The following PLCL2 variants were observed in gnomAD, a reference collection of about 807,000 sequenced individuals.
PLCL2 encodes the protein phospholipase C like 2.
Under a neutral mutation model 79.6 loss-of-function variants are expected in PLCL2, and 4 were observed. The observed-to-expected ratio is 0.05, with a 90% CI of 0.02 to 0.11. The LOEUF (loss-of-function observed/expected upper bound fraction) is 0.11. PLCL2 is among the 10% of genes least tolerant of loss of function. The pLI is 1.00. For synonymous variants in PLCL2, 484 were observed against 457.7 expected (o/e 1.06, Z -0.73); for missense variants, 895 against 1,291.0 (o/e 0.69, Z 4.70).
intron 1 of PLCL2, among the ~76,000 whole-genome samples, chr3:16,892,223 A>G (rs1022855963): frequency 6.6e-6 from 1 of 152,262 alleles, no homozygotes; most frequent in African/African-American, 2.4e-5. Flanking sequence ...ATTCATGTAC[A>G]TAATTTTGAA....
intron 1 of PLCL2, among the ~76,000 whole-genome samples, chr3:16,953,182 T>C (rs2063669197): frequency 1.3e-5 from 2 of 152,110 alleles, no homozygotes; most frequent in Non-Finnish European, 1.5e-5. Context: ...ACACTATGCA[T>C]AGTATGATCC....
intron 1 of PLCL2, among the ~76,000 whole-genome samples, chr3:16,961,378 A>G (rs2063753373): frequency 6.6e-6 from 1 of 152,220 alleles, no homozygotes; most frequent in Admixed American, 6.5e-5. Context: ...AGAGCCTTCA[A>G]AGAGCTTAGT....
chr3:17,087,428 C>T (rs1437899906), intron 5 of PLCL2, among the ~76,000 whole-genome samples: 1 of 152,150 alleles, frequency 6.6e-6, no homozygotes, highest in Non-Finnish European at 1.5e-5. Context: ...CACTGTGTTT[C>T]CAACTAGACG....
At chr3:16,914,234 A>T (rs1410691329) in intron 1 of PLCL2, among the ~76,000 whole-genome samples, 4 of 152,226 alleles carry the variant, frequency 2.6e-5, no homozygotes, top group Non-Finnish European at 5.9e-5. Flanking sequence ...AATATAGTCT[A>T]TAAAGTTTTC....
chr3:17,039,349 C>A (rs1340681594), intron 3 of PLCL2, among the ~76,000 whole-genome samples: 1 of 152,216 alleles, frequency 6.6e-6, no homozygotes, highest in Non-Finnish European at 1.5e-5. Context: ...AACCTGTCCT[C>A]TAAGCCTGCT....
chr3:16,944,300 G>A (rs892697192), intron 1 of PLCL2, among the ~76,000 whole-genome samples: 10 of 152,022 alleles, frequency 6.6e-5, no homozygotes, highest in African/African-American at 2.2e-4. Flanking sequence ...CACTTCTAAC[G>A]TGCCAGAAGC....
At chr3:17,023,945 T>A (rs2064483467) in intron 3 of PLCL2, among the ~76,000 whole-genome samples, 1 of 152,156 alleles carries the variant, frequency 6.6e-6, no homozygotes, top group South Asian at 2.1e-4. Flanking sequence ...ACCATCCCCA[T>A]CACACTTGTG....
intron 3 of PLCL2, among the ~76,000 whole-genome samples, chr3:17,034,477 G>A (rs1484261191): frequency 6.6e-6 from 1 of 152,188 alleles, no homozygotes; most frequent in African/African-American, 2.4e-5. Flanking sequence ...AACTGTTTTT[G>A]AGCTGTGTGG....
intron 1 of PLCL2, among the ~76,000 whole-genome samples, chr3:16,957,752 C>G (rs1464987463): frequency 1.3e-5 from 2 of 152,162 alleles, no homozygotes; most frequent in East Asian, 1.9e-4. Context: ...GTTAGCTCTT[C>G]TTGTTGAATT....
chr3:16,975,704 A>G (rs761772083), intron 1 of PLCL2, among the ~76,000 whole-genome samples: 2 of 152,066 alleles, frequency 1.3e-5, no homozygotes, highest in Admixed American at 6.6e-5. Flanking sequence ...CCTTAGCTGA[A>G]AGGCTGGAAG....
chr3:16,995,322 A>G (rs1412758981), intron 1 of PLCL2, among the ~76,000 whole-genome samples: 1 of 152,232 alleles, frequency 6.6e-6, no homozygotes, highest in Non-Finnish European at 1.5e-5. Context: ...ACCTTTTAAA[A>G]CAGGTGGTGA....
At position 17,003,265 on chromosome 3, in the gene PLCL2, T is replaced by C. The variant is rs139164479; in HGVS notation, c.328-6409T>C. The stretch of plus-strand genomic sequence containing the variant: ...GCTCAGAAATGGGCATATCTCTTCT[T>C]CCAGGTCATTAGTGTTGGGAAGATT... On this transcript the variant is annotated intron_variant, in intron 1 of 5. Coordinates refer to ENST00000615277, the MANE Select transcript of PLCL2 (RefSeq NM_001144382.2). Among the ~76,000 whole-genome samples, 92 of 152,314 alleles carry C rather than the reference T, an allele frequency of 6.0e-4. 2 individuals carry two copies. Among genetic ancestry groups the C allele is most frequent in the South Asian group, 1.2e-3 (6 of 4,832 alleles).
chr3:17,064,563 G>A (rs566937717), intron 4 of PLCL2, among the ~76,000 whole-genome samples: 1 of 152,166 alleles, frequency 6.6e-6, no homozygotes, highest in South Asian at 2.1e-4. Context: ...CCTGGCGCTC[G>A]CATGTCACAG....
chr3:17,064,053 A>AAGGACT (rs1467037923), intron 4 of PLCL2, among the ~76,000 whole-genome samples: 1 of 152,230 alleles, frequency 6.6e-6, no homozygotes. Flanking sequence ...TTAGTAAGAG[A>AAGGACT]AGGACTTTTT....
chr3:17,026,039 A>G (rs2064514193), intron 3 of PLCL2, among the ~76,000 whole-genome samples: 1 of 152,128 alleles, frequency 6.6e-6, no homozygotes, highest in African/African-American at 2.4e-5. Flanking sequence ...CCTGTTTTTC[A>G]TTCTCTTCAC....
At chr3:16,904,929 C>T (rs1696716817) in intron 1 of PLCL2, among the ~76,000 whole-genome samples, 1 of 152,170 alleles carries the variant, frequency 6.6e-6, no homozygotes, top group Admixed American at 6.5e-5. Context: ...CTTCCCAGCC[C>T]TGCAGAACTG....
At chr3:17,043,840 C>G (rs902330369) in intron 4 of PLCL2, among the ~76,000 whole-genome samples, 4 of 152,154 alleles carry the variant, frequency 2.6e-5, no homozygotes, top group African/African-American at 9.7e-5. Context: ...ACTCCACAAT[C>G]CCCATCTTGT....
At chr3:16,904,128 G>GA (rs2124923283) in intron 1 of PLCL2, among the ~76,000 whole-genome samples, 1 of 152,246 alleles carries the variant, frequency 6.6e-6, no homozygotes, top group East Asian at 1.9e-4. Context: ...CTGTTTTGGT[G>GA]AAAAAAGTCC....
At chr3:16,977,516 C>A (rs1271081115) in intron 1 of PLCL2, among the ~76,000 whole-genome samples, 1 of 152,116 alleles carries the variant, frequency 6.6e-6, no homozygotes, top group African/African-American at 2.4e-5. Flanking sequence ...AGCTCAGGTC[C>A]CCCACTCTCT....
Sources: allele counts gnomAD v4.1 joint callset (sites outside exome capture counted in the v4.1 genomes callset), GRCh38; gene constraint gnomAD v4.1.1; transcripts MANE v1.5; gene names NCBI Gene and HGNC (gene_info 2026-07-23, HGNC 2026-07-21).